ST8SIA6: variants seen among roughly 807,000 people sequenced by gnomAD.
ST8SIA6 encodes the protein ST8 alpha-N-acetyl-neuraminide alpha-2,8-sialyltransferase 6.
ST8SIA6 carries 39 observed loss-of-function variants against 33.6 expected under a neutral mutation model. The ratio of observed to expected loss-of-function variants is 1.16; its 90% CI spans 0.90 to 1.52. The LOEUF is 1.52. ST8SIA6 is among the 40% of genes most tolerant of loss of function. The pLI is 0.00. For synonymous variants in ST8SIA6, 172 were observed against 167.2 expected (o/e 1.03, Z -0.22); for missense variants, 441 against 443.8 (o/e 0.99, Z 0.06).
intron 2 of ST8SIA6, among the ~76,000 whole-genome samples, chr10:17,411,569 T>TA (rs2131695439): frequency 6.6e-6 from 1 of 152,350 alleles, no homozygotes; most frequent in South Asian, 2.1e-4. Flanking sequence ...GCCCCACTGT[T>TA]ATTTCACTTA....
rs1157150500 is a variant in ST8SIA6, at chr10:17,320,567, G to A, written c.*311C>T. 9.8e-6 allele frequency: 3 copies of A among 305,328 alleles called. No homozygotes were observed. Among genetic ancestry groups the A allele is most frequent in the Non-Finnish European group, 1.8e-5 (3 of 164,280 alleles). The allele number at this position is 305,328 out of a possible 1,614,324, so 18.9% of individuals were successfully genotyped here. A position where few individuals can be genotyped will look rare whatever the true frequency, so the allele number is the denominator to read the frequency against. On this transcript the variant is annotated 3_prime_UTR_variant, in exon 8 of 8. Coordinates refer to ENST00000377602, the MANE Select transcript of ST8SIA6 (RefSeq NM_001004470.3). The stretch of plus-strand genomic sequence containing the variant: ...TTATCGGTCTGGTGAAGGTGGAGAT[G>A]GCTGGTATAAATAGTAAGAAAGAAA...
At chr10:17,389,036 C>A (rs1187004324) in intron 3 of ST8SIA6, among the ~76,000 whole-genome samples, 1 of 152,040 alleles carries the variant, frequency 6.6e-6, no homozygotes, top group Non-Finnish European at 1.5e-5. Flanking sequence ...CAGCTGACAC[C>A]CCCCAGACTC....
rs779829893 is a variant in ST8SIA6, at chr10:17,322,269, AAAG to A, written c.728+793_728+795del. On this transcript the variant is annotated intron_variant, in intron 7 of 7. Coordinates refer to ENST00000377602, the MANE Select transcript of ST8SIA6 (RefSeq NM_001004470.3). Reference sequence around the variant, plus strand: ...AAAAGAAAGGAAAAAGAGAGAAAGAAAAGAAGGAGGGAGGAAGGAAGGAAAGAG... The same window carrying A: ...AAAAGAAAGGAAAAAGAGAGAAAGAAAAGGAGGGAGGAAGGAAGGAAAGAG... Among the ~76,000 whole-genome samples the A allele has an allele frequency of 1.7e-4, 26 of 152,100 alleles. No homozygotes were observed. The South Asian group carries it at 2.1e-3, about 12-fold the overall frequency.
chr10:17,360,859 A>T (rs556565354), intron 3 of ST8SIA6, among the ~76,000 whole-genome samples: 4 of 151,988 alleles, frequency 2.6e-5, no homozygotes, highest in African/African-American at 9.6e-5. Context: ...ACCAATTAAA[A>T]GGCAAAAAAT....
Position 17,323,154 on chromosome 10 carries a change from A to T in ST8SIA6, c.639T>A (p.Cys213Ter). 6.2e-7 allele frequency: 1 copy of T among 1,612,438 alleles called. No homozygotes were observed. Among genetic ancestry groups the T allele is most frequent in the Non-Finnish European group, 8.5e-7 (1 of 1,179,426 alleles). The change falls in exon 7 of 8, where the codon TGT becomes TGA. Residue 213 changes from cysteine (C) to a stop codon, truncating the protein, a stop_gained. Coordinates refer to ENST00000377602, the MANE Select transcript of ST8SIA6 (RefSeq NM_001004470.3). LOFTEE classifies it high-confidence loss of function. Reference sequence around the variant, plus strand: ...CATCTCCTGTGGTTGGGGGTAGGTTACACCTGAAATTTGAAAAGAAAATCA... The same window carrying T: ...CATCTCCTGTGGTTGGGGGTAGGTTTCACCTGAAATTTGAAAAGAAAATCA... ...EIDKSDFVFR[C>*]NLPPTTGDVS...
At chr10:17,344,836 C>A (rs988102848) in intron 4 of ST8SIA6, among the ~76,000 whole-genome samples, 1 of 152,132 alleles carries the variant, frequency 6.6e-6, no homozygotes, top group Non-Finnish European at 1.5e-5. Flanking sequence ...AGAGTCAAGG[C>A]TAAGGGTGAA....
intron 2 of ST8SIA6, among the ~76,000 whole-genome samples, chr10:17,431,454 AG>A (rs45551632): frequency 0.06 from 9,119 of 151,954 alleles, 317 homozygotes; most frequent in Non-Finnish European, 0.077. Flanking sequence ...TTTCGTTTTA[AG>A]GGGGGGGAAA....
At chr10:17,362,863 CCCCA>C (rs1211584305) in intron 3 of ST8SIA6, among the ~76,000 whole-genome samples, 2 of 152,080 alleles carry the variant, frequency 1.3e-5, no homozygotes, top group Admixed American at 6.6e-5. Flanking sequence ...AGGCGCGCGT[CCCCA>C]TGTCCGGCTA....
chr10:17,362,040 G>C (rs1849409759), intron 3 of ST8SIA6, among the ~76,000 whole-genome samples: 1 of 152,120 alleles, frequency 6.6e-6, no homozygotes, highest in Non-Finnish European at 1.5e-5. Flanking sequence ...CTATGGCTAG[G>C]ATCATACTTA....
At chr10:17,374,816 G>A (rs1261546737) in intron 3 of ST8SIA6, among the ~76,000 whole-genome samples, 2 of 149,264 alleles carry the variant, frequency 1.3e-5, no homozygotes, top group Non-Finnish European at 3.0e-5. Flanking sequence ...AGCAAACACA[G>A]CCTTTGCTTT....
intron 3 of ST8SIA6, among the ~76,000 whole-genome samples, chr10:17,363,704 T>C (rs949769915): frequency 6.6e-6 from 1 of 152,196 alleles, no homozygotes. Flanking sequence ...ATTGGTAGCT[T>C]GAAATCAGCC....
intron 2 of ST8SIA6, among the ~76,000 whole-genome samples, chr10:17,430,167 C>G (rs1450521152): frequency 1.3e-5 from 2 of 152,196 alleles, no homozygotes; most frequent in East Asian, 3.9e-4. Context: ...TTTTCTACTC[C>G]TGTGTTACTT....
chr10:17,387,449 G>A (rs10466290), intron 3 of ST8SIA6, among the ~76,000 whole-genome samples: 592 of 25,322 alleles, frequency 0.023, 9 homozygotes, highest in African/African-American at 0.093. Context: ...CGGTGGGGCG[G>A]GGGGGGGGGG....
At chr10:17,424,608 G>T (rs979897968) in intron 2 of ST8SIA6, among the ~76,000 whole-genome samples, 1 of 151,958 alleles carries the variant, frequency 6.6e-6, no homozygotes, top group Non-Finnish European at 1.5e-5. Context: ...ATTTCGACAG[G>T]TCTAATATGA....
At chr10:17,323,223 A>G in intron 6 of ST8SIA6, 66 bp from the exon 7 acceptor site, 2 of 951,252 alleles carry the variant, frequency 2.1e-6, no homozygotes, top group Non-Finnish European at 1.6e-6. Context: ...ATACACACAT[A>G]TGCGCGCACA....
chr10:17,406,908 C>T (rs1851286241), intron 2 of ST8SIA6, among the ~76,000 whole-genome samples: 1 of 151,918 alleles, frequency 6.6e-6, no homozygotes, highest in South Asian at 2.1e-4. Flanking sequence ...GATTCTCCCC[C>T]ATCAGCCTCC....
chr10:17,348,901 TCGGGG>T (rs78034346), intron 4 of ST8SIA6, among the ~76,000 whole-genome samples: 3,041 of 151,612 alleles, frequency 0.02, 53 homozygotes, highest in Admixed American at 0.032. Context: ...GGCTAAGTAA[TCGGGG>T]CGGGGCGGGG....
chr10:17,362,048 T>G (rs986618774), intron 3 of ST8SIA6, among the ~76,000 whole-genome samples: 1 of 152,190 alleles, frequency 6.6e-6, no homozygotes, highest in African/African-American at 2.4e-5. Context: ...AGGATCATAC[T>G]TAATGGTGAA....
chr10:17,434,734 GACACAC>G (rs112788153), intron 2 of ST8SIA6, among the ~76,000 whole-genome samples: 1 of 148,410 alleles, frequency 6.7e-6, no homozygotes, highest in Non-Finnish European at 1.5e-5. Context: ...GTGTTGGGAG[GACACAC>G]ACACACACAC....
Sources: allele counts gnomAD v4.1 joint callset (sites outside exome capture counted in the v4.1 genomes callset), GRCh38; gene constraint gnomAD v4.1.1; transcripts MANE v1.5; gene names NCBI Gene and HGNC (gene_info 2026-07-23, HGNC 2026-07-21).